SCN7A: variants seen among roughly 807,000 people sequenced by gnomAD.
The protein encoded by SCN7A is sodium voltage-gated channel alpha subunit 7.
A neutral mutation model predicts 155.2 loss-of-function variants in SCN7A; 138 were observed. The ratio of observed to expected loss-of-function variants is 0.89; its 90% CI spans 0.77 to 1.02. SCN7A has a LOEUF of 1.02. Among genes scored for constraint, SCN7A ranks in the 50% least tolerant of loss-of-function variants. The pLI, the probability that SCN7A is intolerant of heterozygous loss-of-function variation, is 0.00. For synonymous variants in SCN7A, 693 were observed against 649.0 expected (o/e 1.07, Z -1.03); for missense variants, 2,058 against 1,986.6 (o/e 1.04, Z -0.68).
At chr2:166,485,114 CTGAG>C (rs1336855288) in intron 2 of SCN7A, among the ~76,000 whole-genome samples, 2 of 151,978 alleles carry the variant, frequency 1.3e-5, no homozygotes, top group Admixed American at 6.6e-5. Context: ...AAACATTGTG[CTGAG>C]TGAAAGAAGT....
chr2:166,443,738 C>G, intron 13 of SCN7A, 62 bp from the exon 14 acceptor site: 2 of 1,215,852 alleles, frequency 1.6e-6, no homozygotes, highest in Non-Finnish European at 2.3e-6. Context: ...AGAATCTTCA[C>G]ACACAAAATC....
chr2:166,423,226 C>A, intron 19 of SCN7A, 33 bp downstream of exon 19: 1 of 1,583,230 alleles, frequency 6.3e-7, no homozygotes, highest in South Asian at 1.2e-5. Context: ...AAAAGTAAAT[C>A]AAATAGCCTT....
chr2:166,458,937 A>G (rs910239705), intron 10 of SCN7A, among the ~76,000 whole-genome samples: 1 of 152,188 alleles, frequency 6.6e-6, no homozygotes, highest in Non-Finnish European at 1.5e-5. Flanking sequence ...TATTATGAGT[A>G]ATCTAGAGAT....
At chr2:166,491,245 G>A (rs1683095550) in intron 1 of SCN7A, among the ~76,000 whole-genome samples, 1 of 152,070 alleles carries the variant, frequency 6.6e-6, no homozygotes, top group South Asian at 2.1e-4. Flanking sequence ...TAATTTCCAT[G>A]AGTGGGGCCC....
At chr2:166,417,400 G>A (rs1701403087) in intron 20 of SCN7A, among the ~76,000 whole-genome samples, 1 of 152,140 alleles carries the variant, frequency 6.6e-6, no homozygotes, top group Non-Finnish European at 1.5e-5. Context: ...TTGAAGCCAG[G>A]AGGCAGAGCT....
chr2:166,444,063 T>C (rs561695492), intron 13 of SCN7A, among the ~76,000 whole-genome samples: 1 of 152,290 alleles, frequency 6.6e-6, no homozygotes, highest in East Asian at 1.9e-4. Context: ...CTTTAAAAAC[T>C]GTACTGGCAG....
intron 2 of SCN7A, among the ~76,000 whole-genome samples, chr2:166,480,776 T>G (rs2141384): frequency 0.98 from 149,991 of 152,292 alleles, 73,873 homozygotes; most frequent in East Asian, 1. Flanking sequence ...AAAGATTGTT[T>G]AACTTCTTCG....
chr2:166,405,774 T>C lies in SCN7A; in HGVS notation c.4855A>G (p.Thr1619Ala). Residue 1619 changes from threonine to alanine, a missense_variant, in exon 26 of 26, where the codon ACT (threonine) becomes GCT (alanine). Transcript: ENST00000643258. ...ACTGCCTCTTGTTTTCGTTTCAAAGTAGTCGTAATTGGCTCACATGTGATC... is the reference window on the plus strand; with the variant it reads ...ACTGCCTCTTGTTTTCGTTTCAAAGCAGTCGTAATTGGCTCACATGTGATC... ...FKITCEPITT[T>A]LKRKQEAVSA... 6.2e-7 allele frequency: 1 copy of C among 1,613,002 alleles called. No individual in the cohort carries two copies.
At chr2:166,412,411 C>A in intron 23 of SCN7A, 119 bp downstream of exon 23, 1 of 1,124,820 alleles carries the variant, frequency 8.9e-7, no homozygotes, top group Non-Finnish European at 1.1e-6. Context: ...AGATACATGT[C>A]AAATAAAAAT....
intron 16 of SCN7A, among the ~76,000 whole-genome samples, chr2:166,432,084 C>G (rs931889298): frequency 3.9e-5 from 6 of 152,018 alleles, no homozygotes; most frequent in East Asian, 1.9e-4. Context: ...TACCTCCCCC[C>G]CTCCATGGAC....
intron 1 of SCN7A, among the ~76,000 whole-genome samples, chr2:166,491,631 G>T (rs1002009904): frequency 6.6e-6 from 1 of 151,484 alleles, no homozygotes; most frequent in African/African-American, 2.4e-5. Context: ...TGTCTGGTTG[G>T]TTAGTCCTCA....
chr2:166,467,487 A>C (rs889977647), intron 7 of SCN7A, among the ~76,000 whole-genome samples: 1 of 143,068 alleles, frequency 7.0e-6, no homozygotes, highest in Non-Finnish European at 1.5e-5. Flanking sequence ...ATATATGTTT[A>C]TATATATATA....
intron 25 of SCN7A, among the ~76,000 whole-genome samples, chr2:166,408,727 GCAAA>G: frequency 6.6e-6 from 1 of 151,894 alleles, no homozygotes; most frequent in Non-Finnish European, 1.5e-5. Flanking sequence ...GCAGATCTGG[GCAAA>G]CAGTTTATCT....
At chr2:166,407,527 A>T (rs574759682) in intron 25 of SCN7A, among the ~76,000 whole-genome samples, 1 of 151,922 alleles carries the variant, frequency 6.6e-6, no homozygotes, top group Admixed American at 6.6e-5. Flanking sequence ...CTAAGATGAT[A>T]TTTCTCTCTG....
At chr2:166,477,382 A>G (rs2105513408) in intron 3 of SCN7A, 81 bp downstream of exon 3, 2 of 890,458 alleles carry the variant, frequency 2.2e-6, no homozygotes, top group African/African-American at 3.5e-5. Context: ...ATCTTTTTGT[A>G]TCCTATCTCA....
In SCN7A at chr2:166,444,877, G is replaced by C. The variant is rs760009370; in HGVS notation, c.1511C>G (p.Ala504Gly). The change falls in exon 13 of 26, where the codon GCA becomes GGA. Residue 504 changes from alanine to glycine, a missense_variant. By Grantham distance (60) the Ala-to-Gly change is moderately conservative. Coordinates refer to ENST00000643258, the MANE Select transcript of SCN7A (RefSeq NM_002976.4). ...GATAAGGAAAAGATCAGTAAATGGT[G>C]CCATTATAATCCTATGGACAAACTC... ...LKEFVHRIIM[A>G]PFTDLFLIIC... 1 of 1,612,006 alleles carries C rather than the reference G, an allele frequency of 6.2e-7. No individual in the cohort carries two copies. The highest frequency in any genetic ancestry group is 8.5e-7 in the Non-Finnish European group (1 of 1,178,334).
At chr2:166,451,454 C>A (rs888407593) in intron 11 of SCN7A, among the ~76,000 whole-genome samples, 1 of 152,106 alleles carries the variant, frequency 6.6e-6, no homozygotes, top group African/African-American at 2.4e-5. Flanking sequence ...CTTTTGACAA[C>A]CCAATATTAA....
At chr2:166,408,500 T>C (rs931045511) in intron 25 of SCN7A, among the ~76,000 whole-genome samples, 11 of 152,024 alleles carry the variant, frequency 7.2e-5, no homozygotes, top group African/African-American at 2.2e-4. Context: ...CTGACTGCAA[T>C]TGCTTTTCCT....
intron 25 of SCN7A, 45 bp downstream of exon 25, chr2:166,409,620 A>G (rs1006798838): frequency 1.5e-6 from 2 of 1,329,718 alleles, no homozygotes; most frequent in African/African-American, 3.0e-5. Flanking sequence ...AGCTTACTTG[A>G]ATTAATATTA....
Sources: allele counts gnomAD v4.1 joint callset (sites outside exome capture counted in the v4.1 genomes callset), GRCh38; gene constraint gnomAD v4.1.1; transcripts MANE v1.5; gene names NCBI Gene and HGNC (gene_info 2026-07-23, HGNC 2026-07-21).